Variants in KCNIP4 observed in about 807,000 individuals in gnomAD.
KCNIP4 encodes the protein potassium voltage-gated channel interacting protein 4.
In KCNIP4, 12 loss-of-function variants were observed where a neutral mutation model predicts 34.0. That is an observed-to-expected ratio of 0.35 (90% CI 0.23 to 0.57). The LOEUF (loss-of-function observed/expected upper bound fraction) is 0.57, where lower values mean the gene tolerates loss of function less well. Among genes scored for constraint, KCNIP4 ranks in the 20% least tolerant of loss-of-function variants. KCNIP4 has a pLI of 0.83. For missense variants in KCNIP4, 238 were observed against 311.7 expected, an observed-to-expected ratio of 0.76 and a Z score of 1.78; for synonymous variants, 124 against 102.2, an observed-to-expected ratio of 1.21 and a Z score of -1.29.
intron 1 of KCNIP4, among the ~76,000 whole-genome samples, chr4:21,377,073 C>T (rs1450901869): frequency 1.3e-5 from 2 of 152,026 alleles, no homozygotes; most frequent in Non-Finnish European, 2.9e-5. Flanking sequence ...TGCATTTTTA[C>T]ATTTGTCTTC....
At chr4:21,569,610 G>A (rs2109049076) in intron 1 of KCNIP4, among the ~76,000 whole-genome samples, 1 of 152,180 alleles carries the variant, frequency 6.6e-6, no homozygotes, top group South Asian at 2.1e-4. Context: ...CAGAAAAGGA[G>A]GTGGCATTTG....
At chr4:21,352,425 A>T (rs1229395899) in intron 1 of KCNIP4, among the ~76,000 whole-genome samples, 2 of 152,218 alleles carry the variant, frequency 1.3e-5, no homozygotes, top group East Asian at 3.9e-4. Context: ...TCTCACCCAA[A>T]TACTGCAATT....
intron 1 of KCNIP4, among the ~76,000 whole-genome samples, chr4:21,501,715 T>TGTGTGTGTGTGTGTGTGC (rs569245544): frequency 1.1e-4 from 16 of 150,850 alleles, no homozygotes; most frequent in African/African-American, 1.7e-4. Flanking sequence ...TGTGTGTGTG[T>TGTGTGTGTGTGTGTGTGC]GCGTTGGAAG....
intron 3 of KCNIP4, among the ~76,000 whole-genome samples, chr4:20,760,280 G>A (rs1754847829): frequency 1.3e-5 from 2 of 152,088 alleles, no homozygotes; most frequent in South Asian, 2.1e-4. Context: ...ACTGGGGAAG[G>A]ATGAATGGTG....
At chr4:20,976,287 G>A (rs1323041466) in intron 1 of KCNIP4, among the ~76,000 whole-genome samples, 1 of 152,154 alleles carries the variant, frequency 6.6e-6, no homozygotes, top group Non-Finnish European at 1.5e-5. Context: ...AACAATCTGT[G>A]TCTAACAGGT....
At chr4:21,594,724 A>G (rs1328636123) in intron 1 of KCNIP4, among the ~76,000 whole-genome samples, 1 of 140,370 alleles carries the variant, frequency 7.1e-6, no homozygotes. Flanking sequence ...ATGCAACAAA[A>G]AATTGATGGA....
At chr4:21,948,509 C>T in intron 1 of KCNIP4, 62 bp downstream of exon 1, 2 of 1,564,980 alleles carry the variant, frequency 1.3e-6, no homozygotes, top group Non-Finnish European at 1.7e-6. Flanking sequence ...GGGCAGCCGT[C>T]TTGGCTCGCG....
At chr4:21,291,272 T>G (rs1763439604) in intron 1 of KCNIP4, among the ~76,000 whole-genome samples, 3 of 152,192 alleles carry the variant, frequency 2.0e-5, no homozygotes, top group Admixed American at 1.3e-4. Context: ...CTGGTAAATC[T>G]CATGGCTTAT....
chr4:20,958,237 G>T (rs1414623890), intron 1 of KCNIP4, among the ~76,000 whole-genome samples: 1 of 152,204 alleles, frequency 6.6e-6, no homozygotes, highest in Non-Finnish European at 1.5e-5. Context: ...AGTAGGCAAA[G>T]TTCCTAATGG....
chr4:21,304,955 G>C (rs1712282322), intron 1 of KCNIP4, among the ~76,000 whole-genome samples: 3 of 135,824 alleles, frequency 2.2e-5, no homozygotes, highest in Non-Finnish European at 4.7e-5. Context: ...TTTGGAGCCA[G>C]GAAAAGTTTG....
chr4:21,204,756 A>G (rs1053761420), intron 1 of KCNIP4, among the ~76,000 whole-genome samples: 1 of 152,198 alleles, frequency 6.6e-6, no homozygotes, highest in African/African-American at 2.4e-5. Context: ...CAGCTTTTTT[A>G]GAAAGGGAAA....
chr4:21,472,355 G>C (rs993083394), intron 1 of KCNIP4, among the ~76,000 whole-genome samples: 1 of 151,992 alleles, frequency 6.6e-6, no homozygotes, highest in African/African-American at 2.4e-5. Context: ...TGAACCATGA[G>C]AGAGAGGAAA....
chr4:21,288,941 C>T (rs186855956), intron 1 of KCNIP4, among the ~76,000 whole-genome samples: 1 of 152,244 alleles, frequency 6.6e-6, no homozygotes, highest in East Asian at 1.9e-4. Context: ...TCCATATTCA[C>T]AACCAATCTA....
intron 1 of KCNIP4, among the ~76,000 whole-genome samples, chr4:21,826,882 CT>C (rs1268277640): frequency 6.6e-6 from 1 of 151,882 alleles, no homozygotes. Flanking sequence ...CAAGTAAATA[CT>C]GAAAACCTAA....
rs187686926 is a variant in KCNIP4 at position 21,396,125 on chromosome 4, A to T, written c.62-513416T>A. On this transcript the variant is annotated intron_variant, in intron 1 of 8. Coordinates refer to ENST00000382152, the MANE Select transcript of KCNIP4 (RefSeq NM_025221.6). ...TCCTATATATAGTCTATATATACAT[A>T]TATAAGACTATGTAGAGTCTCCTAT... is the stretch of plus-strand genomic sequence containing the variant. Among the ~76,000 whole-genome samples the T allele has an allele frequency of 4.3e-3, 650 of 151,842 alleles. 6 individuals carry two copies. Among genetic ancestry groups the T allele is most frequent in the African/African-American group, 0.015 (612 of 41,378 alleles).
At chr4:20,894,248 C>A (rs1041829670) in intron 1 of KCNIP4, among the ~76,000 whole-genome samples, 1 of 152,146 alleles carries the variant, frequency 6.6e-6, no homozygotes, top group Non-Finnish European at 1.5e-5. Flanking sequence ...CCTTTAATAT[C>A]GGAAAGCAAG....
At chr4:21,920,202 A>C (rs1487315360) in intron 1 of KCNIP4, among the ~76,000 whole-genome samples, 2 of 152,212 alleles carry the variant, frequency 1.3e-5, no homozygotes, top group Non-Finnish European at 2.9e-5. Flanking sequence ...ACCAAAATAG[A>C]CAAAACACTT....
intron 1 of KCNIP4, among the ~76,000 whole-genome samples, chr4:21,360,723 TA>T (rs902800890): frequency 6.6e-6 from 1 of 152,036 alleles, no homozygotes; most frequent in South Asian, 2.1e-4. Flanking sequence ...TTTTATATGT[TA>T]AAAAAATTCA....
rs76548963 is a variant in KCNIP4, at chr4:21,102,819, G to A, written c.62-220110C>T. ...GTTCCCACAAATTACTTTTAATGAT[G>A]CAAAAGTCCCTCTGTGACAGAGACT... is the stretch of plus-strand genomic sequence containing the variant. On this transcript the variant is annotated intron_variant, in intron 1 of 8. Coordinates refer to ENST00000382152, the MANE Select transcript of KCNIP4 (RefSeq NM_025221.6). Among the ~76,000 whole-genome samples the A allele has an allele frequency of 7.1e-4, 108 of 152,204 alleles. 1 individual carries two copies. Among genetic ancestry groups the A allele is most frequent in the Middle Eastern group, 3.4e-3 (1 of 294 alleles).
Sources: allele counts gnomAD v4.1 joint callset (sites outside exome capture counted in the v4.1 genomes callset), GRCh38; gene constraint gnomAD v4.1.1; transcripts MANE v1.5; gene names NCBI Gene and HGNC (gene_info 2026-07-23, HGNC 2026-07-21).